The following IL3RA variants were observed in gnomAD, a reference collection of about 807,000 sequenced individuals.
IL3RA encodes interleukin-3 receptor subunit alpha.
IL3RA carries 73 observed loss-of-function variants against 52.3 expected under a neutral mutation model. That is an observed-to-expected ratio of 1.40 (90% CI 1.16 to 1.70). IL3RA has a LOEUF of 1.70. Among genes scored for constraint, IL3RA ranks in the 40% most tolerant of loss-of-function variants. The pLI, the probability that IL3RA is intolerant of heterozygous loss-of-function variation, is 0.00. For missense variants in IL3RA, 664 were observed against 504.4 expected, an observed-to-expected ratio of 1.32 and a Z score of -3.03; for synonymous variants, 260 against 194.0, an observed-to-expected ratio of 1.34 and a Z score of -2.83.
Position 1,346,822 on chromosome X carries a change from C to G in IL3RA, c.183+1388C>G, listed in dbSNP as rs1269429112. ...GAAAGGAGCACGTTTCCCTGAGAAC[C>G]TATTTGGTCCCCTCCAAGAGCTATG... On this transcript the variant is annotated intron_variant, in intron 3 of 11. Coordinates refer to ENST00000331035, the MANE Select transcript of IL3RA (RefSeq NM_002183.4). Among the ~76,000 whole-genome samples, 3 of 151,132 alleles carry G rather than the reference C, an allele frequency of 2.0e-5. No homozygotes were observed. The South Asian group carries it at 6.2e-4, about 31-fold the overall frequency.
intron 10 of IL3RA, among the ~76,000 whole-genome samples, chrX:1,379,561 G>A (rs2089029942): frequency 6.6e-6 from 1 of 152,228 alleles, no homozygotes. Context: ...GGGACCAAGG[G>A]TGTCCCCAGG....
At chrX:1,380,878 G>A (rs2089146235) in intron 10 of IL3RA, 145 bp from the exon 11 acceptor site, 22 of 714,386 alleles carry the variant, frequency 3.1e-5, no homozygotes, top group South Asian at 2.4e-4. Context: ...CAGGGCCTCA[G>A]GGGCCGGGAA....
intron 9 of IL3RA, among the ~76,000 whole-genome samples, chrX:1,367,978 C>A (rs2088293085): frequency 6.6e-6 from 1 of 152,046 alleles, no homozygotes. Context: ...GGAGGGGAAA[C>A]AAGGTCGTCC....
chrX:1,346,431 C>G, intron 3 of IL3RA, among the ~76,000 whole-genome samples: 1 of 149,722 alleles, frequency 6.7e-6, no homozygotes, highest in Non-Finnish European at 1.5e-5. Context: ...GAGAGCAAGA[C>G]TTCATGTCAA....
At chrX:1,349,502 G>C (rs1164634163) in intron 4 of IL3RA, among the ~76,000 whole-genome samples, 4 of 151,500 alleles carry the variant, frequency 2.6e-5, no homozygotes, top group Admixed American at 6.6e-5. Flanking sequence ...TGTAGAGATG[G>C]GGTGTCGCTA....
At chrX:1,352,745 G>A (rs1420869210) in intron 6 of IL3RA, among the ~76,000 whole-genome samples, 2 of 152,162 alleles carry the variant, frequency 1.3e-5, no homozygotes, top group African/African-American at 4.8e-5. Context: ...GAGAGAGAGA[G>A]ATGAAGTTCT....
At chrX:1,345,615 G>A (rs778530894) in intron 3 of IL3RA, among the ~76,000 whole-genome samples, 181 bp downstream of exon 3, 14 of 151,628 alleles carry the variant, frequency 9.2e-5, no homozygotes, top group East Asian at 3.9e-4. Context: ...TCAACCTCCC[G>A]AGTAGCTGGG....
intron 8 of IL3RA, 114 bp from the exon 9 acceptor site, chrX:1,365,024 G>C: frequency 1.5e-6 from 1 of 669,292 alleles, no homozygotes; most frequent in South Asian, 1.7e-5. Context: ...GGCCAGGCTG[G>C]TCTCGAACTC....
chrX:1,379,801 C>T (rs1401995272), intron 10 of IL3RA, among the ~76,000 whole-genome samples: 1 of 152,148 alleles, frequency 6.6e-6, no homozygotes, highest in Non-Finnish European at 1.5e-5. Flanking sequence ...CTTTTGTTGC[C>T]CAGCCTGGAG....
At position 1,381,815 on chromosome X, in the gene IL3RA, T is replaced by G. The variant is rs186669185; in HGVS notation, c.1063-576T>G. Among the ~76,000 whole-genome samples, 769 of 151,496 alleles carry G rather than the reference T, an allele frequency of 5.1e-3. 6 individuals carry two copies. Among genetic ancestry groups the G allele is most frequent in the Non-Finnish European group, 6.5e-3 (444 of 67,840 alleles). On this transcript the variant is annotated intron_variant, in intron 11 of 11. Coordinates refer to ENST00000331035, the MANE Select transcript of IL3RA (RefSeq NM_002183.4). ...CCTCGGCCTCCCAAAGTGCTGGGAT[T>G]ACAGGCATGAGCCACCATGCCCAGC...
chrX:1,358,751 A>G, intron 7 of IL3RA, 110 bp from the exon 8 acceptor site: 1 of 1,157,284 alleles, frequency 8.6e-7, no homozygotes, highest in South Asian at 1.3e-5. Context: ...GCCTTCCCAG[A>G]GCCCTCACTG....
chrX:1,345,066 G>T (rs2057306191), intron 2 of IL3RA, among the ~76,000 whole-genome samples: 1 of 151,470 alleles, frequency 6.6e-6, no homozygotes, highest in South Asian at 2.1e-4. Context: ...CTACTCGGGA[G>T]GCTGAGGCAG....
At chrX:1,347,220 T>A (rs17885844) in intron 3 of IL3RA, among the ~76,000 whole-genome samples, 33,391 of 149,084 alleles carry the variant, frequency 0.22, 4,286 homozygotes, top group Middle Eastern at 0.41. Flanking sequence ...CCGAGGCGGG[T>A]GGATCACGAG....
At chrX:1,381,407 T>C (rs1429835609) in intron 11 of IL3RA, among the ~76,000 whole-genome samples, 1 of 151,912 alleles carries the variant, frequency 6.6e-6, no homozygotes, top group Non-Finnish European at 1.5e-5. Context: ...ACTAGGAGGC[T>C]GGACACCTGT....
intron 8 of IL3RA, among the ~76,000 whole-genome samples, chrX:1,364,645 GTT>G (rs764659253): frequency 7.0e-6 from 1 of 143,332 alleles, no homozygotes; most frequent in African/African-American, 2.5e-5. Flanking sequence ...AATTTTTACA[GTT>G]TTTTTTTTTT....
intron 5 of IL3RA, 27 bp from the exon 6 acceptor site, chrX:1,352,295 G>A (rs775290082): frequency 2.1e-5 from 34 of 1,613,028 alleles, no homozygotes; most frequent in South Asian, 1.1e-4. Context: ...GCGTGGGGTC[G>A]TCCCCCAACC....
At chrX:1,349,238 C>A (rs1217558407) in intron 4 of IL3RA, among the ~76,000 whole-genome samples, 3 of 149,882 alleles carry the variant, frequency 2.0e-5, no homozygotes, top group Non-Finnish European at 3.0e-5. Flanking sequence ...CTGGAGTGCA[C>A]TGGCGCGATC....
chrX:1,342,559 C>CTTTT lies in IL3RA; in HGVS notation c.64+745_64+748dup, dbSNP rs751414193. ...TAATTTGCTTTTCATTCTTTAACTTCTTTTTTTTTTTTTTTTTTGACACAG... is the reference window on the plus strand; with the variant it reads ...TAATTTGCTTTTCATTCTTTAACTTCTTTTTTTTTTTTTTTTTTTTTTGACACAG... On this transcript the variant is annotated intron_variant, in intron 2 of 11. Transcript: ENST00000331035. 2.7e-4 allele frequency among the ~76,000 whole-genome samples: 30 copies of CTTTT among 111,350 alleles called. 1 individual carries two copies. The highest frequency in any genetic ancestry group is 9.6e-4 in the African/African-American group (28 of 29,138). 73.0% of individuals were successfully genotyped at this position (111,350 alleles called of 152,430 possible). A position where few individuals can be genotyped will look rare whatever the true frequency, so the allele number is the denominator to read the frequency against.
At chrX:1,341,953 A>C in intron 2 of IL3RA, 124 bp downstream of exon 2, 1 of 1,005,342 alleles carries the variant, frequency 9.9e-7, no homozygotes, top group South Asian at 1.3e-5. Flanking sequence ...AGTCTCATGC[A>C]GTGGTCGGGA....
Sources: gnomAD v4.1 joint callset for allele counts (sites outside exome capture counted in the v4.1 genomes callset) on GRCh38, gnomAD v4.1.1 for gene constraint, MANE v1.5 for transcripts, NCBI Gene and HGNC (gene_info 2026-07-23, HGNC 2026-07-21) for gene names.